PAK1: variants seen among roughly 807,000 people sequenced by gnomAD.
PAK1 encodes the protein p21 (RAC1) activated kinase 1, also known as serine/threonine-protein kinase PAK 1.
In PAK1, 29 loss-of-function variants were observed where a neutral mutation model predicts 67.4. The ratio of observed to expected loss-of-function variants is 0.43; its 90% CI spans 0.32 to 0.59. PAK1 has a LOEUF of 0.59. Ranked by LOEUF, PAK1 falls within the 20% of genes least tolerant of loss-of-function variation. The probability of loss-of-function intolerance (pLI) is 0.07; values close to 1 mark genes in which losing one functional copy is unlikely to be tolerated. For synonymous variants in PAK1, 223 were observed against 237.4 expected, an observed-to-expected ratio of 0.94 and a Z score of 0.56; for missense variants, 337 against 670.7, an observed-to-expected ratio of 0.50 and a Z score of 5.50.
chr11:77,514,775 C>T, the PAK1 span, among the ~76,000 whole-genome samples: 16 of 152,072 alleles, frequency 1.1e-4, no homozygotes, highest in Non-Finnish European at 2.9e-5. Flanking sequence ...AAAATTAGGG[C>T]CATTTATCGA....
intron 2 of PAK1, among the ~76,000 whole-genome samples, chr11:77,390,143 T>C (rs1398011602): frequency 6.6e-6 from 1 of 152,232 alleles, no homozygotes; most frequent in Non-Finnish European, 1.5e-5. Context: ...GCAGCTACTA[T>C]ATGAATGAAT....
At chr11:77,428,320 T>G (rs1253769165) in intron 1 of PAK1, among the ~76,000 whole-genome samples, 1 of 152,044 alleles carries the variant, frequency 6.6e-6, no homozygotes, top group Non-Finnish European at 1.5e-5. Flanking sequence ...TCCCAGCACT[T>G]TGGGAGACCG....
intron 13 of PAK1, 121 bp from the exon 14 acceptor site, chr11:77,332,988 G>T: frequency 2.4e-6 from 2 of 842,932 alleles, no homozygotes; most frequent in Non-Finnish European, 3.9e-6. Context: ...TAGCAGCTGT[G>T]TATATATACT....
the PAK1 span, among the ~76,000 whole-genome samples, chr11:77,485,345 C>T: frequency 6.6e-6 from 1 of 152,120 alleles, no homozygotes; most frequent in Non-Finnish European, 1.5e-5. Context: ...ACATAAAGGA[C>T]GAATGCTTAA....
At chr11:77,506,046 C>A in the PAK1 span, among the ~76,000 whole-genome samples, 23 of 152,240 alleles carry the variant, frequency 1.5e-4, 1 homozygote, top group South Asian at 4.6e-3. Flanking sequence ...TCCAGCAGGG[C>A]TCCCAGTCAG....
At chr11:77,496,875 G>C in the PAK1 span, among the ~76,000 whole-genome samples, 2 of 152,200 alleles carry the variant, frequency 1.3e-5, no homozygotes, top group Non-Finnish European at 2.9e-5. Flanking sequence ...GGAGTTTGCA[G>C]TGAACCTAGA....
At chr11:77,501,458 C>A in the PAK1 span, among the ~76,000 whole-genome samples, 2 of 152,190 alleles carry the variant, frequency 1.3e-5, no homozygotes, top group African/African-American at 4.8e-5. Flanking sequence ...AATTCGACCC[C>A]TCTTCTCGGG....
intron 14 of PAK1, among the ~76,000 whole-genome samples, chr11:77,331,123 A>T (rs1408015212): frequency 2.0e-5 from 3 of 152,226 alleles, no homozygotes; most frequent in Non-Finnish European, 4.4e-5. Flanking sequence ...ATCATTAAAA[A>T]GTCAGGAAAC....
At chr11:77,527,834 A>C in the PAK1 span, among the ~76,000 whole-genome samples, 1 of 151,992 alleles carries the variant, frequency 6.6e-6, no homozygotes, top group Non-Finnish European at 1.5e-5. Context: ...TGTTTTATCT[A>C]TCCCCACAAA....
upstream of PAK1, among the ~76,000 whole-genome samples, chr11:77,477,487 T>C (rs73496890): frequency 0.34 from 49,928 of 145,228 alleles, 8,564 homozygotes; most frequent in Admixed American, 0.48. Context: ...TCCCAGCACT[T>C]TGGGAGGCCA....
At chr11:77,458,691 G>T (rs1162337779) in intron 1 of PAK1, among the ~76,000 whole-genome samples, 1 of 152,194 alleles carries the variant, frequency 6.6e-6, no homozygotes, top group East Asian at 1.9e-4. Context: ...GAATGTTTGA[G>T]TGGGGGCTAA....
intron 1 of PAK1, among the ~76,000 whole-genome samples, chr11:77,416,501 T>A (rs1468138883): frequency 1.3e-5 from 2 of 152,146 alleles, no homozygotes; most frequent in South Asian, 2.1e-4. Flanking sequence ...ATAATAACAA[T>A]GACTTCTTCT....
intron 5 of PAK1, among the ~76,000 whole-genome samples, chr11:77,370,598 T>TA (rs1463886339): frequency 6.6e-6 from 1 of 152,234 alleles, no homozygotes; most frequent in Non-Finnish European, 1.5e-5. Context: ...ACACATACTT[T>TA]AAGCTGTGGC....
the PAK1 span, among the ~76,000 whole-genome samples, chr11:77,491,617 G>C: frequency 6.6e-6 from 1 of 152,144 alleles, no homozygotes; most frequent in Admixed American, 6.5e-5. Context: ...GTGTTAAGTT[G>C]TCATCAGTTT....
the PAK1 span, among the ~76,000 whole-genome samples, chr11:77,508,816 T>C: frequency 6.6e-6 from 1 of 151,046 alleles, no homozygotes; most frequent in Non-Finnish European, 1.5e-5. Context: ...CCCACCACCA[T>C]GCCCGGCTAA....
chr11:77,477,567 CA>C (rs61075974), upstream of PAK1, among the ~76,000 whole-genome samples: 57 of 84,144 alleles, frequency 6.8e-4, no homozygotes, highest in East Asian at 0.015. Context: ...ACCATCTCTA[CA>C]AAAAAAAAAA....
chr11:77,448,079 C>T (rs960142411), intron 1 of PAK1, among the ~76,000 whole-genome samples: 1 of 152,178 alleles, frequency 6.6e-6, no homozygotes, highest in African/African-American at 2.4e-5. Flanking sequence ...CCAAACACAA[C>T]TCAAGCTTTG....
intron 1 of PAK1, among the ~76,000 whole-genome samples, chr11:77,394,770 G>C (rs10466736): frequency 0.049 from 7,498 of 152,036 alleles, 634 homozygotes; most frequent in African/African-American, 0.17. Context: ...GCTTGAACCC[G>C]GGAGGCAGAG....
intron 2 of PAK1, among the ~76,000 whole-genome samples, chr11:77,387,829 T>C (rs1332242642): frequency 1.3e-5 from 2 of 152,196 alleles, no homozygotes; most frequent in Non-Finnish European, 2.9e-5. Flanking sequence ...ATGCAGCTGG[T>C]ATAAATGCTC....
Sources: gnomAD v4.1 joint callset for allele counts (sites outside exome capture counted in the v4.1 genomes callset) on GRCh38, gnomAD v4.1.1 for gene constraint, MANE v1.5 for transcripts, NCBI Gene and HGNC (gene_info 2026-07-23, HGNC 2026-07-21) for gene names.